Variants in BCL10 observed in about 807,000 individuals in gnomAD.
BCL10 encodes the protein B-cell lymphoma/leukemia 10.
A neutral mutation model predicts 19.2 loss-of-function variants in BCL10; 5 were observed. That is an observed-to-expected ratio of 0.26 (90% CI 0.14 to 0.55). The LOEUF is 0.55. Among genes scored for constraint, BCL10 ranks in the 20% least tolerant of loss-of-function variants. The pLI is 0.94. For missense variants in BCL10, 201 were observed against 271.9 expected (o/e 0.74, Z 1.83); for synonymous variants, 110 against 98.8 (o/e 1.11, Z -0.67).
chr1:85,276,220 C>T, intron 1 of BCL10, 76 bp downstream of exon 1: 1 of 1,557,140 alleles, frequency 6.4e-7, no homozygotes, highest in South Asian at 1.1e-5. Context: ...TGTCCTCGGA[C>T]TCCAGGCTTC....
rs1643707384 is a variant in BCL10, at chr1:85,276,228, T to G, written c.57+68A>C. The G allele has an allele frequency of 3.2e-6, 5 of 1,575,270 alleles. No homozygotes were observed. The East Asian group carries it at 1.1e-4, about 35-fold the overall frequency. On this transcript the variant is annotated intron_variant, in intron 1 of 2. Transcript: ENST00000648566. ...TCCTCCTTGTCCTCGGACTCCAGGC[T>G]TCCGCTTTCGTCTCCCGCTGGGCTG... is the stretch of plus-strand genomic sequence containing the variant.
At position 85,266,763 on chromosome 1, in the gene BCL10, A is replaced by C. The variant is rs1352573589; in HGVS notation, c.*864T>G. The C allele has an allele frequency of 5.5e-6, 1 of 180,192 alleles. No homozygotes were observed. Among genetic ancestry groups the C allele is most frequent in the African/African-American group, 2.4e-5 (1 of 42,106 alleles). 11.2% of individuals were successfully genotyped at this position (180,192 alleles called of 1,614,324 possible). On this transcript the variant is annotated 3_prime_UTR_variant, in exon 3 of 3. Coordinates refer to ENST00000648566, the MANE Select transcript of BCL10 (RefSeq NM_003921.5). Reference sequence around the variant, plus strand: ...GTGGCACACACTTGTAGTCTCAGCTATATTACTTGAGAGGCTGAGGTGAGA... The same window carrying C: ...GTGGCACACACTTGTAGTCTCAGCTCTATTACTTGAGAGGCTGAGGTGAGA...
In BCL10 at chr1:85,265,853, T is replaced by C. The variant is rs958803637; in HGVS notation, c.*1774A>G. The stretch of plus-strand genomic sequence containing the variant: ...AAAACTCAGTGTTAAAACTTATCTA[T>C]ATATAGGTGTTATTGTATATCTAAA... On this transcript the variant is annotated 3_prime_UTR_variant, in exon 3 of 3. Coordinates refer to ENST00000648566, the MANE Select transcript of BCL10 (RefSeq NM_003921.5). 2.6e-5 allele frequency among the ~76,000 whole-genome samples: 4 copies of C among 152,206 alleles called. No homozygotes were observed. The highest frequency in any genetic ancestry group is 4.4e-5 in the Non-Finnish European group (3 of 68,024).
At chr1:85,276,224 A>T in intron 1 of BCL10, 72 bp downstream of exon 1, 1 of 1,565,008 alleles carries the variant, frequency 6.4e-7, no homozygotes, top group Non-Finnish European at 8.8e-7. Context: ...CTCGGACTCC[A>T]GGCTTCCGCT....
intron 1 of BCL10, 93 bp downstream of exon 1, chr1:85,276,203 T>G (rs1027678665): frequency 2.7e-5 from 40 of 1,489,898 alleles, no homozygotes; most frequent in Non-Finnish European, 3.5e-5. Context: ...ACCTGGAGGA[T>G]CCTCCTTGTC....
At position 85,267,914 on chromosome 1, in the gene BCL10, C is replaced by G. The variant is rs1381676326; in HGVS notation, c.415G>C (p.Asp139His). Residue 139 changes from aspartate to histidine, a missense_variant, in exon 3 of 3, where the codon GAT (aspartate) becomes CAT (histidine). Around this residue, in one of 3 missense-constraint regions of BCL10, gnomAD observed 126 missense variants for 136.6 expected, o/e 0.92. Coordinates refer to ENST00000648566, the MANE Select transcript of BCL10 (RefSeq NM_003921.5). Reference sequence around the variant, plus strand: ...AGTTTTTCAGAGAAATTACTCTCATCTGAATTTGATCTGGAGAGGTTGTTC... The same window carrying G: ...AGTTTTTCAGAGAAATTACTCTCATGTGAATTTGATCTGGAGAGGTTGTTC... ...ATNNLSRSNS[D>H]ESNFSEKLRA... The G allele has an allele frequency of 6.2e-7, 1 of 1,613,712 alleles. No homozygotes were observed. The highest frequency in any genetic ancestry group is 1.7e-5 in the Admixed American group (1 of 59,906).
At chr1:85,272,616 G>C (rs1660398679) in intron 1 of BCL10, among the ~76,000 whole-genome samples, 1 of 152,080 alleles carries the variant, frequency 6.6e-6, no homozygotes, top group Non-Finnish European at 1.5e-5. Flanking sequence ...AAAGGATAAA[G>C]TTCCTTTACG....
intron 2 of BCL10, among the ~76,000 whole-genome samples, chr1:85,269,308 T>C (rs1260327908): frequency 2.6e-5 from 4 of 152,214 alleles, no homozygotes. Context: ...CAAAGAATTT[T>C]ATGATATCCA....
At position 85,271,037 on chromosome 1, in the gene BCL10, G is replaced by A. The variant is rs1660358062; in HGVS notation, c.58-131C>T. The A allele has an allele frequency of 1.3e-5, 11 of 852,822 alleles. No individual in the cohort carries two copies. The East Asian group carries it at 2.8e-4, about 21-fold the overall frequency. The allele number at this position is 852,822 out of a possible 1,614,324, so 52.8% of individuals were successfully genotyped here. On this transcript the variant is annotated intron_variant, in intron 1 of 2. Coordinates refer to ENST00000648566, the MANE Select transcript of BCL10 (RefSeq NM_003921.5). ...TCAGGAGGCTCAGGCCTTCTAAAATGCATGCTAATTAAGATGAAAGTCCAA... is the reference window on the plus strand; with the variant it reads ...TCAGGAGGCTCAGGCCTTCTAAAATACATGCTAATTAAGATGAAAGTCCAA...
intron 1 of BCL10, among the ~76,000 whole-genome samples, chr1:85,275,455 C>T (rs1164603680): frequency 6.6e-6 from 1 of 152,166 alleles, no homozygotes; most frequent in Non-Finnish European, 1.5e-5. Flanking sequence ...TAAAAAGTTG[C>T]CATCCTGTCC....
chr1:85,276,516 T>G lies in BCL10; in HGVS notation c.-164A>C. The G allele has an allele frequency of 1.4e-6, 1 of 723,438 alleles. No homozygotes were observed. Among genetic ancestry groups the G allele is most frequent in the East Asian group, 2.7e-5 (1 of 36,732 alleles). The allele number at this position is 723,438 out of a possible 1,614,324, so 44.8% of individuals were successfully genotyped here. A position where few individuals can be genotyped will look rare whatever the true frequency, so the allele number is the denominator to read the frequency against. ...CTTCGGGAACAGAGGGACTCGGGGG[T>G]CAAACCGTAGCGCTTCCGGCCCCGC... On this transcript the variant is annotated 5_prime_UTR_variant, in exon 1 of 3. Transcript: ENST00000648566.
rs910736399 is a variant in BCL10 at position 85,266,213 on chromosome 1, C to T, written c.*1414G>A. The T allele has an allele frequency of 1.1e-5, 2 of 187,454 alleles. No homozygotes were observed. The highest frequency in any genetic ancestry group is 2.3e-5 in the African/African-American group (1 of 42,716). 11.6% of individuals were successfully genotyped at this position (187,454 alleles called of 1,614,324 possible). ...TATTAAAAAAAGTTTTAGATACTTC[C>T]TACTGAAAATTTGGAACTCCAAAAT... On this transcript the variant is annotated 3_prime_UTR_variant, in exon 3 of 3. Coordinates refer to ENST00000648566, the MANE Select transcript of BCL10 (RefSeq NM_003921.5).
In BCL10 at chr1:85,267,105, AAGAGGCTGTTT is replaced by A. The variant is rs1660220842; in HGVS notation, c.*511_*521del. 6 of 190,674 alleles carry A rather than the reference AAGAGGCTGTTT, an allele frequency of 3.1e-5. No individual in the cohort carries two copies. The East Asian group carries it at 4.9e-4, about 16-fold the overall frequency. 11.8% of individuals were successfully genotyped at this position (190,674 alleles called of 1,614,324 possible). ...CATCAAGTGTTCCTCCAGTATCAAA[AAGAGGCTGTTT>A]ACATGCCTATACGACAATGGAGTGG... On this transcript the variant is annotated 3_prime_UTR_variant, in exon 3 of 3. Transcript: ENST00000648566.
At chr1:85,268,301 CAATA>C (rs1222350743) in intron 2 of BCL10, among the ~76,000 whole-genome samples, 2 of 152,028 alleles carry the variant, frequency 1.3e-5, no homozygotes, top group South Asian at 2.1e-4. Context: ...ATAGCTTTCA[CAATA>C]AATATTCTTT....
rs762156408 is a variant in BCL10 at position 85,270,670 on chromosome 1, C to T, written c.294G>A (p.Lys98=). 6.2e-7 allele frequency: 1 copy of T among 1,612,690 alleles called. No homozygotes were observed. The highest frequency in any genetic ancestry group is 1.7e-5 in the Admixed American group (1 of 59,722). ...REKTQNFLIQ[K]ITDEVLKLRN... ...TAAGTTTCAGCACTTCATCTGTAAT[C>T]TTCTGTATCAGGAAGTTCTGTGTTT... is the stretch of plus-strand genomic sequence containing the variant. Residue 98 remains lysine, a synonymous_variant, in exon 2 of 3, where the codon AAG becomes AAA. Coordinates refer to ENST00000648566, the MANE Select transcript of BCL10 (RefSeq NM_003921.5).
At chr1:85,269,619 C>G (rs1182231456) in intron 2 of BCL10, among the ~76,000 whole-genome samples, 3 of 152,214 alleles carry the variant, frequency 2.0e-5, no homozygotes, top group Admixed American at 6.5e-5. Context: ...ACTATGAGTT[C>G]CTTAAGGGCA....
intron 1 of BCL10, among the ~76,000 whole-genome samples, chr1:85,274,279 A>T (rs569518717): frequency 3.9e-5 from 6 of 152,310 alleles, no homozygotes; most frequent in African/African-American, 1.4e-4. Context: ...TCCTGCACTT[A>T]CTAGGGCACC....
At chr1:85,275,618 G>A (rs542442047) in intron 1 of BCL10, among the ~76,000 whole-genome samples, 2 of 152,148 alleles carry the variant, frequency 1.3e-5, no homozygotes, top group African/African-American at 4.8e-5. Context: ...AAAGGAAAAA[G>A]AATGTCATAT....
At position 85,276,398 on chromosome 1, in the gene BCL10, C is replaced by T. The variant is rs1243609781; in HGVS notation, c.-46G>A. 1 of 1,603,908 alleles carries T rather than the reference C, an allele frequency of 6.2e-7. No individual in the cohort carries two copies. The highest frequency in any genetic ancestry group is 8.5e-7 in the Non-Finnish European group (1 of 1,171,576). On this transcript the variant is annotated 5_prime_UTR_variant, in exon 1 of 3. Coordinates refer to ENST00000648566, the MANE Select transcript of BCL10 (RefSeq NM_003921.5). ...CTTCTTCCGGGTCCGGGAGCTCGGG[C>T]TGCGCCGCCCCGCCCTGGCTGGGGG...
Sources: allele counts gnomAD v4.1 joint callset (sites outside exome capture counted in the v4.1 genomes callset), GRCh38; gene constraint gnomAD v4.1.1; regional missense constraint gnomAD v4.1.1; transcripts MANE v1.5; gene names NCBI Gene and HGNC (gene_info 2026-07-23, HGNC 2026-07-21).